Variants in ANKRD55 observed in about 807,000 individuals in gnomAD.
ANKRD55 encodes the protein ankyrin repeat domain-containing protein 55.
In ANKRD55, 41 loss-of-function variants were observed where a neutral mutation model predicts 60.6. That is an observed-to-expected ratio of 0.68 (90% CI 0.53 to 0.88). ANKRD55 has a LOEUF of 0.88. ANKRD55 is among the 40% of genes least tolerant of loss of function. The pLI is 0.00. For synonymous variants in ANKRD55, 264 were observed against 290.3 expected (o/e 0.91, Z 0.92); for missense variants, 732 against 767.6 (o/e 0.95, Z 0.55).
At chr5:56,166,651 A>G (rs1249551597) in intron 5 of ANKRD55, among the ~76,000 whole-genome samples, 1 of 151,584 alleles carries the variant, frequency 6.6e-6, no homozygotes, top group African/African-American at 2.4e-5. Flanking sequence ...CACGGGCAGG[A>G]AAAAAAAAGA....
intron 5 of ANKRD55, among the ~76,000 whole-genome samples, chr5:56,168,526 T>C (rs890049505): frequency 1.3e-5 from 2 of 152,202 alleles, no homozygotes; most frequent in Admixed American, 1.3e-4. Flanking sequence ...GTTATAATTG[T>C]TCTATTTTAT....
intron 5 of ANKRD55, among the ~76,000 whole-genome samples, chr5:56,166,251 T>G (rs148388090): frequency 2.5e-4 from 37 of 148,450 alleles, no homozygotes; most frequent in Admixed American, 7.4e-4. Flanking sequence ...CTTTCTCTCT[T>G]TCTTTCCTTC....
At chr5:56,119,404 T>A (rs1756974791) in intron 8 of ANKRD55, among the ~76,000 whole-genome samples, 1 of 152,118 alleles carries the variant, frequency 6.6e-6, no homozygotes, top group Non-Finnish European at 1.5e-5. Flanking sequence ...GACAGATAAC[T>A]ATTGAGTGGT....
At chr5:56,112,512 A>AAAAAAAAAAG (rs1756760061) in intron 9 of ANKRD55, among the ~76,000 whole-genome samples, 1 of 111,442 alleles carries the variant, frequency 9.0e-6, no homozygotes, top group East Asian at 2.0e-4. Context: ...AGCAAAAAAA[A>AAAAAAAAAAG]AAAAAAAAAA....
At chr5:56,132,376 C>T (rs1196074127) in intron 7 of ANKRD55, among the ~76,000 whole-genome samples, 1 of 149,022 alleles carries the variant, frequency 6.7e-6, no homozygotes, top group Non-Finnish European at 1.5e-5. Flanking sequence ...GTCAGGAGAT[C>T]GAGACCATCC....
chr5:56,206,450 C>A (rs1759511514), intron 2 of ANKRD55, among the ~76,000 whole-genome samples: 1 of 152,134 alleles, frequency 6.6e-6, no homozygotes, highest in South Asian at 2.1e-4. Flanking sequence ...CAAAAGTGAT[C>A]ATTGAAATTT....
At chr5:56,230,573 C>A (rs555298877) in intron 2 of ANKRD55, among the ~76,000 whole-genome samples, 4 of 152,194 alleles carry the variant, frequency 2.6e-5, no homozygotes, top group South Asian at 2.1e-4. Context: ...CAACTTTTCC[C>A]GAGAAAGTCA....
intron 6 of ANKRD55, chr5:56,146,753 T>C (rs998049070): frequency 7.2e-5 from 11 of 152,242 alleles, no homozygotes; most frequent in African/African-American, 2.7e-4. Context: ...TTGTCCTTTG[T>C]ACTACTGTAC....
intron 8 of ANKRD55, among the ~76,000 whole-genome samples, chr5:56,120,899 CAAA>C (rs34532327): frequency 4.9e-5 from 4 of 81,138 alleles, no homozygotes; most frequent in Admixed American, 1.5e-4. Flanking sequence ...GACTCCGTCT[CAAA>C]AAAAAAAAAA....
At chr5:56,182,650 A>C (rs1758875732) in intron 3 of ANKRD55, among the ~76,000 whole-genome samples, 1 of 152,066 alleles carries the variant, frequency 6.6e-6, no homozygotes, top group Non-Finnish European at 1.5e-5. Context: ...TTTTTGATTG[A>C]AACTTGGACT....
At chr5:56,138,125 T>A (rs1234278109) in intron 7 of ANKRD55, among the ~76,000 whole-genome samples, 1 of 126,236 alleles carries the variant, frequency 7.9e-6, no homozygotes, top group Non-Finnish European at 1.7e-5. Flanking sequence ...TGGTTTCTTT[T>A]TCTTTTTTTT....
chr5:56,204,876 C>T (rs979620271), intron 2 of ANKRD55, among the ~76,000 whole-genome samples: 2 of 152,204 alleles, frequency 1.3e-5, no homozygotes, highest in African/African-American at 4.8e-5. Flanking sequence ...ACTCCACCTA[C>T]CTCTCACTTT....
At chr5:56,207,829 C>T (rs148027054) in intron 2 of ANKRD55, among the ~76,000 whole-genome samples, 1 of 152,312 alleles carries the variant, frequency 6.6e-6, no homozygotes, top group East Asian at 1.9e-4. Context: ...TTTATAAACA[C>T]TGCACACTCA....
intron 2 of ANKRD55, among the ~76,000 whole-genome samples, chr5:56,203,530 C>T (rs1041001206): frequency 2.0e-5 from 3 of 152,094 alleles, no homozygotes; most frequent in Non-Finnish European, 4.4e-5. Flanking sequence ...TCCCCTTCCC[C>T]TGTGTCCATG....
At chr5:56,212,205 A>G (rs1420754362) in intron 2 of ANKRD55, among the ~76,000 whole-genome samples, 1 of 152,186 alleles carries the variant, frequency 6.6e-6, no homozygotes, top group Non-Finnish European at 1.5e-5. Context: ...GGCCAAATAC[A>G]GTTTATTCTA....
chr5:56,121,513 C>T (rs1429807012), intron 8 of ANKRD55, among the ~76,000 whole-genome samples: 1 of 151,836 alleles, frequency 6.6e-6, no homozygotes, highest in Non-Finnish European at 1.5e-5. Context: ...GCTGGGACTA[C>T]AGGCGCCCGC....
At chr5:56,136,987 C>T in intron 7 of ANKRD55, 1 of 629,856 alleles carries the variant, frequency 1.6e-6, no homozygotes, top group Non-Finnish European at 3.0e-6. Flanking sequence ...AAATGATTCG[C>T]TCTTCACTTG....
intron 2 of ANKRD55, among the ~76,000 whole-genome samples, chr5:56,215,832 T>C (rs2111880913): frequency 6.6e-6 from 1 of 152,206 alleles, no homozygotes; most frequent in East Asian, 1.9e-4. Flanking sequence ...GGGAACTGCT[T>C]AATAACCCAG....
At chr5:56,168,919 CAAA>C (rs2111810276) in intron 5 of ANKRD55, among the ~76,000 whole-genome samples, 1 of 152,352 alleles carries the variant, frequency 6.6e-6, no homozygotes, top group South Asian at 2.1e-4. Flanking sequence ...TGCAGTGGTG[CAAA>C]CTCAGCTCAC....
Sources: allele counts gnomAD v4.1 joint callset (sites outside exome capture counted in the v4.1 genomes callset), GRCh38; gene constraint gnomAD v4.1.1; transcripts MANE v1.5; gene names NCBI Gene and HGNC (gene_info 2026-07-23, HGNC 2026-07-21).